Variants in RNF220 observed in about 807,000 individuals in gnomAD.
The protein encoded by RNF220 is ring finger protein 220.
A neutral mutation model predicts 67.1 loss-of-function variants in RNF220; 7 were observed. The observed-to-expected ratio is 0.10, with a 90% CI of 0.06 to 0.20. The LOEUF is 0.20. RNF220 is among the 10% of genes least tolerant of loss of function. RNF220 has a pLI of 1.00. For synonymous variants in RNF220, 270 were observed against 283.2 expected (o/e 0.95, Z 0.47); for missense variants, 565 against 740.3 (o/e 0.76, Z 2.75).
chr1:44,444,403 A>T (rs1651869180), intron 2 of RNF220, among the ~76,000 whole-genome samples: 1 of 151,654 alleles, frequency 6.6e-6, no homozygotes, highest in African/African-American at 2.4e-5. Flanking sequence ...GAGTTCTTTC[A>T]TTTTTATTGC....
rs114184184 is a variant in RNF220, at chr1:44,609,627, G to C, written c.626-4538G>C. ...CCAATGGTCAACCATTCCCAACAGA[G>C]GGGGGCAGCAGAGGGCTGATCTAGG... On this transcript the variant is annotated intron_variant, in intron 2 of 14. Coordinates refer to ENST00000361799, the MANE Select transcript of RNF220 (RefSeq NM_018150.4). Among the ~76,000 whole-genome samples the C allele has an allele frequency of 6.6e-3, 998 of 152,328 alleles. 6 individuals carry two copies. The highest frequency in any genetic ancestry group is 0.023 in the African/African-American group (958 of 41,572).
intron 2 of RNF220, among the ~76,000 whole-genome samples, chr1:44,560,611 G>T (rs1319759509): frequency 6.6e-6 from 1 of 152,188 alleles, no homozygotes; most frequent in East Asian, 1.9e-4. Flanking sequence ...GCCCAGGCTG[G>T]AGTGCAATGA....
In RNF220 at chr1:44,459,854, T is replaced by G. The variant is rs1011960271; in HGVS notation, c.625+47132T>G. Among the ~76,000 whole-genome samples, 63 of 152,198 alleles carry G rather than the reference T, an allele frequency of 4.1e-4. 3 individuals carry two copies. Among genetic ancestry groups the G allele is most frequent in the Non-Finnish European group, 2.9e-5 (2 of 68,026 alleles). On this transcript the variant is annotated intron_variant, in intron 2 of 14. Transcript: ENST00000361799. ...AGATTAGACAATACCTAGAACCTAG[T>G]AGGTTCTCAATGCATACTTGCTAAC...
rs1365928907 is a variant in RNF220 at position 44,645,714 on chromosome 1, T to A, written c.1445+226T>A. Among the ~76,000 whole-genome samples, 1 of 152,160 alleles carries A rather than the reference T, an allele frequency of 6.6e-6. No homozygotes were observed. The highest frequency in any genetic ancestry group is 2.4e-5 in the African/African-American group (1 of 41,454). On this transcript the variant is annotated intron_variant, in intron 12 of 14. Coordinates refer to ENST00000361799, the MANE Select transcript of RNF220 (RefSeq NM_018150.4). This position sits in a 1 kb window ranked among gnomAD's most constrained non-coding sequence, Gnocchi z 5.0. ...GAAGCCTTGGCGGTGGGAGGAGCAG[T>A]CCACCCGCCTGCCTGCCTGCCTGCC...
chr1:44,634,508 C>G (rs893202714), intron 6 of RNF220, among the ~76,000 whole-genome samples: 1 of 152,214 alleles, frequency 6.6e-6, no homozygotes, highest in African/African-American at 2.4e-5. Flanking sequence ...GTTAGGGTCA[C>G]TGTCCATGAG....
chr1:44,508,589 C>G (rs779529082), intron 2 of RNF220, among the ~76,000 whole-genome samples: 4 of 152,174 alleles, frequency 2.6e-5, no homozygotes, highest in Non-Finnish European at 5.9e-5. Flanking sequence ...CTCATTGGCA[C>G]CACAGAACGT....
intron 2 of RNF220, among the ~76,000 whole-genome samples, chr1:44,474,425 G>C (rs1010006983): frequency 4.3e-5 from 6 of 140,942 alleles, no homozygotes; most frequent in Non-Finnish European, 7.7e-5. Flanking sequence ...AATAATAATA[G>C]GCTGGGAGTG....
At chr1:44,637,043 C>T (rs1644350271) in intron 8 of RNF220, among the ~76,000 whole-genome samples, 3 of 152,244 alleles carry the variant, frequency 2.0e-5, no homozygotes, top group Admixed American at 2.0e-4. Context: ...ATTAAGTGAG[C>T]CAATCTGCTT....
At chr1:44,487,887 A>C (rs1012359781) in intron 2 of RNF220, among the ~76,000 whole-genome samples, 2 of 151,094 alleles carry the variant, frequency 1.3e-5, no homozygotes, top group Non-Finnish European at 3.0e-5. Context: ...ATCAAAAATA[A>C]ATAAATAAAT....
intron 2 of RNF220, among the ~76,000 whole-genome samples, chr1:44,504,963 A>G (rs1014136721): frequency 6.6e-6 from 1 of 152,196 alleles, no homozygotes; most frequent in Non-Finnish European, 1.5e-5. Flanking sequence ...AAAGGCTAAG[A>G]ATTCCTTTCA....
chr1:44,451,563 G>T (rs1177259736), intron 2 of RNF220, among the ~76,000 whole-genome samples: 1 of 151,854 alleles, frequency 6.6e-6, no homozygotes, highest in African/African-American at 2.4e-5. Context: ...TCTATTGCTG[G>T]TCTTTATTTA....
chr1:44,614,520 G>A (rs1470558527), intron 3 of RNF220, among the ~76,000 whole-genome samples: 1 of 152,152 alleles, frequency 6.6e-6, no homozygotes, highest in Admixed American at 6.5e-5. Context: ...GAGTGACCCC[G>A]CAGGCCCCAG....
chr1:44,571,076 GA>G (rs200658424), intron 2 of RNF220, among the ~76,000 whole-genome samples: 150 of 143,756 alleles, frequency 1.0e-3, no homozygotes, highest in African/African-American at 3.0e-3. Flanking sequence ...TCCATCTGAA[GA>G]AAAAAAAAAA....
At chr1:44,503,060 G>C (rs180940060) in intron 2 of RNF220, among the ~76,000 whole-genome samples, 6 of 151,950 alleles carry the variant, frequency 3.9e-5, no homozygotes, top group African/African-American at 1.4e-4. Context: ...AGGGCCAGGC[G>C]CAGTGGCTCA....
At chr1:44,512,415 G>A (rs1452595277) in intron 2 of RNF220, among the ~76,000 whole-genome samples, 2 of 152,160 alleles carry the variant, frequency 1.3e-5, no homozygotes, top group Non-Finnish European at 2.9e-5. Context: ...TGCTTTGGGG[G>A]TTGCATGCAC....
At chr1:44,559,578 C>G (rs1232903466) in intron 2 of RNF220, among the ~76,000 whole-genome samples, 1 of 152,220 alleles carries the variant, frequency 6.6e-6, no homozygotes, top group Non-Finnish European at 1.5e-5. Flanking sequence ...ATGCAGGGGG[C>G]ATCCCGGGGG....
intron 2 of RNF220, among the ~76,000 whole-genome samples, chr1:44,510,384 C>T (rs1311711778): frequency 6.6e-6 from 1 of 152,154 alleles, no homozygotes; most frequent in Non-Finnish European, 1.5e-5. Flanking sequence ...CAGCACCTTC[C>T]TCCCCAAACC....
chr1:44,425,939 G>C (rs868580654), intron 2 of RNF220, among the ~76,000 whole-genome samples: 1 of 152,198 alleles, frequency 6.6e-6, no homozygotes, highest in Non-Finnish European at 1.5e-5. Flanking sequence ...CTGAGCTACA[G>C]AAGACAGTCT....
intron 2 of RNF220, chr1:44,419,952 T>C (rs1649023917): frequency 6.6e-6 from 1 of 152,246 alleles, no homozygotes; most frequent in African/African-American, 2.4e-5. Context: ...TCCCACAGCA[T>C]TACATCCCCT....
Sources: gnomAD v4.1 joint callset for allele counts (sites outside exome capture counted in the v4.1 genomes callset) on GRCh38, gnomAD v4.1.1 for gene constraint, Gnocchi (gnomAD v3.1) non-coding constraint, MANE v1.5 for transcripts, NCBI Gene and HGNC (gene_info 2026-07-23, HGNC 2026-07-21) for gene names.